GSTA4: variants seen among roughly 807,000 people sequenced by gnomAD.
The protein encoded by GSTA4 is glutathione S-transferase A4.
A neutral mutation model predicts 24.4 loss-of-function variants in GSTA4; 15 were observed. The observed-to-expected ratio is 0.61, with a 90% CI of 0.41 to 0.95. The LOEUF (loss-of-function observed/expected upper bound fraction) is 0.95. Ranked by LOEUF, GSTA4 falls within the 40% of genes least tolerant of loss-of-function variation. GSTA4 has a pLI of 0.00. For synonymous variants in GSTA4, 92 were observed against 94.2 expected, an observed-to-expected ratio of 0.98 and a Z score of 0.13; for missense variants, 244 against 262.1, an observed-to-expected ratio of 0.93 and a Z score of 0.48.
At chr6:52,984,688 T>TG in intron 4 of GSTA4, 83 bp from the exon 5 acceptor site, 2 of 1,256,624 alleles carry the variant, frequency 1.6e-6, no homozygotes, top group Non-Finnish European at 2.3e-6. Flanking sequence ...GAGTGCTTTT[T>TG]TTTTTTTTTT....
chr6:52,982,898 AGAGAGC>A lies in GSTA4; in HGVS notation c.415-199_415-194del, dbSNP rs878867698. 1.2e-3 allele frequency among the ~76,000 whole-genome samples: 175 copies of A among 149,812 alleles called. 1 individual carries two copies. Among genetic ancestry groups the A allele is most frequent in the Middle Eastern group, 3.6e-3 (1 of 278 alleles). On this transcript the variant is annotated intron_variant, in intron 5 of 6. Transcript: ENST00000370963. ...GAGAGAGAGGGGGAGAGAGAGAGAG[AGAGAGC>A]GAGAGAGAGAGAGAGAAAGTACAAA...
chr6:52,979,494 T>C lies in GSTA4; in HGVS notation c.547-902A>G, dbSNP rs552157197. Among the ~76,000 whole-genome samples, 339 of 152,354 alleles carry C rather than the reference T, an allele frequency of 2.2e-3. 2 individuals are homozygous for C. Among genetic ancestry groups the C allele is most frequent in the African/African-American group, 7.7e-3 (322 of 41,594 alleles). The stretch of plus-strand genomic sequence containing the variant: ...ATAAACTGGAATGGAAGAAAAACAT[T>C]GTATTTTTCATTCACAGAATCAAAT... On this transcript the variant is annotated intron_variant, in intron 6 of 6. Coordinates refer to ENST00000370963, the MANE Select transcript of GSTA4 (RefSeq NM_001512.4).
chr6:52,980,599 C>T (rs597348), intron 6 of GSTA4, among the ~76,000 whole-genome samples: 1 of 151,654 alleles, frequency 6.6e-6, no homozygotes, highest in Non-Finnish European at 1.5e-5. Context: ...CCACTGCGCC[C>T]GGCCTAGATT....
intron 2 of GSTA4, among the ~76,000 whole-genome samples, chr6:52,990,924 C>T (rs1208588875): frequency 6.6e-6 from 1 of 152,148 alleles, no homozygotes; most frequent in Non-Finnish European, 1.5e-5. Flanking sequence ...TGAAAATGAG[C>T]TCAGGATCAC....
Sources: allele counts gnomAD v4.1 joint callset (sites outside exome capture counted in the v4.1 genomes callset), GRCh38; gene constraint gnomAD v4.1.1; transcripts MANE v1.5; gene names NCBI Gene and HGNC (gene_info 2026-07-23, HGNC 2026-07-21).